INO80: variants seen among roughly 807,000 people sequenced by gnomAD.
INO80 encodes chromatin-remodeling ATPase INO80.
Under a neutral mutation model 203.4 loss-of-function variants are expected in INO80, and 20 were observed. The observed-to-expected ratio is 0.10, with a 90% CI of 0.07 to 0.14. INO80 has a LOEUF of 0.14. Among genes scored for constraint, INO80 ranks in the 10% least tolerant of loss-of-function variants. The probability of loss-of-function intolerance (pLI) is 1.00; values close to 1 mark genes in which losing one functional copy is unlikely to be tolerated. For missense variants in INO80, 1,419 were observed against 1,914.4 expected (o/e 0.74, Z 4.83); for synonymous variants, 726 against 685.2 (o/e 1.06, Z -0.93).
rs1343620411 is a variant in INO80, at chr15:41,085,554, G to C, written c.688C>G (p.Arg230Gly). The change falls in exon 7 of 36, where the codon CGA (arginine) becomes GGA (glycine). Residue 230 changes from arginine (R) to glycine (G), a missense_variant. Physicochemically the swap from Arg to Gly is moderately radical, Grantham distance 125. Coordinates refer to ENST00000648947, the MANE Select transcript of INO80 (RefSeq NM_017553.3). ...AKLKKVKKKRRRDEELSSEES... is the reference protein window; with the variant it reads ...AKLKKVKKKRGRDEELSSEES... ...TCAGAGGAAAGTTCTTCATCTCTTC[G>C]TCTTTTTTTCTTCACTTTTTTCAAC... is the stretch of plus-strand genomic sequence containing the variant. 1 of 1,613,902 alleles carries C rather than the reference G, an allele frequency of 6.2e-7. No individual in the cohort carries two copies. The highest frequency in any genetic ancestry group is 8.5e-7 in the Non-Finnish European group (1 of 1,179,988).
At chr15:40,989,841 C>T (rs918449283) in intron 29 of INO80, among the ~76,000 whole-genome samples, 1 of 152,226 alleles carries the variant, frequency 6.6e-6, no homozygotes, top group African/African-American at 2.4e-5. Flanking sequence ...TGGGTCTCTT[C>T]AGTGGTCCTG....
chr15:41,001,053 G>C (rs1393753885), intron 28 of INO80, among the ~76,000 whole-genome samples: 1 of 152,168 alleles, frequency 6.6e-6, no homozygotes, highest in Non-Finnish European at 1.5e-5. Context: ...GGACTATACT[G>C]CTGTAAAAAA....
At chr15:41,067,321 C>T (rs1388064806) in intron 14 of INO80, among the ~76,000 whole-genome samples, 2 of 151,940 alleles carry the variant, frequency 1.3e-5, no homozygotes, top group Non-Finnish European at 2.9e-5. Context: ...GTGATCCACC[C>T]GCCTCACCTC....
intron 34 of INO80, chr15:40,983,300 T>C: frequency 1.8e-6 from 1 of 545,862 alleles, no homozygotes. Context: ...AAGCTGCTTT[T>C]CATTCTGAAG....
chr15:41,036,654 A>C (rs2044580677), intron 24 of INO80, among the ~76,000 whole-genome samples: 1 of 152,232 alleles, frequency 6.6e-6, no homozygotes, highest in Non-Finnish European at 1.5e-5. Context: ...ATTGTTATTA[A>C]TATTAATACT....
rs145802648 is a variant in INO80, at chr15:40,980,363, A to T, written c.4531T>A (p.Ser1511Thr). Residue 1511 changes from serine to threonine, a missense_variant, in exon 36 of 36, where the codon TCT becomes ACT. Around this residue, in one of 9 missense-constraint regions of INO80, gnomAD observed 112 missense variants for 106.2 expected, o/e 1.05. Coordinates refer to ENST00000648947, the MANE Select transcript of INO80 (RefSeq NM_017553.3). ...GLADFGPSSA[S>T]SPLSSPLSKG... ...CTCAAAGGGGAACTCAAAGGAGAAG[A>T]GGCGCTTGAAGGTCCAAAGTCAGCA... 5.0e-5 allele frequency: 80 copies of T among 1,614,030 alleles called. No homozygotes were observed. In the African/African-American group the frequency reaches 1.0e-3, roughly 20 times the overall value.
chr15:41,068,727 G>A (rs1318195087), intron 14 of INO80, among the ~76,000 whole-genome samples: 1 of 152,058 alleles, frequency 6.6e-6, no homozygotes, highest in Non-Finnish European at 1.5e-5. Context: ...GGGCATGGTG[G>A]CAGACACCTG....
intron 8 of INO80, among the ~76,000 whole-genome samples, chr15:41,080,470 T>C (rs1250441389): frequency 6.6e-6 from 1 of 152,184 alleles, no homozygotes; most frequent in Non-Finnish European, 1.5e-5. Context: ...GACAGGAAGA[T>C]TCCATGATCT....
chr15:41,065,988 CTTTT>C (rs1175524125), intron 14 of INO80, among the ~76,000 whole-genome samples: 2 of 127,268 alleles, frequency 1.6e-5, no homozygotes, highest in Non-Finnish European at 1.7e-5. Context: ...CTACATTGTA[CTTTT>C]TTTTTTTTTT....
chr15:40,989,266 T>C (rs2043784851), intron 29 of INO80, among the ~76,000 whole-genome samples: 1 of 152,238 alleles, frequency 6.6e-6, no homozygotes, highest in Non-Finnish European at 1.5e-5. Flanking sequence ...TACTAGCCCA[T>C]GAATTCCCAG....
intron 14 of INO80, among the ~76,000 whole-genome samples, chr15:41,060,288 T>A (rs2045078424): frequency 6.6e-6 from 1 of 152,142 alleles, no homozygotes; most frequent in Non-Finnish European, 1.5e-5. Flanking sequence ...GGACACTTTT[T>A]CTTAAGAGAT....
At chr15:41,075,466 G>A (rs1245931158) in intron 9 of INO80, among the ~76,000 whole-genome samples, 1 of 151,342 alleles carries the variant, frequency 6.6e-6, no homozygotes, top group Admixed American at 6.6e-5. Flanking sequence ...GGCGGCGGGG[G>A]AGGCGGGGGG....
At chr15:41,023,420 T>G (rs1322599002) in intron 25 of INO80, 16 of 448,950 alleles carry the variant, frequency 3.6e-5, no homozygotes, top group Non-Finnish European at 6.3e-5. Flanking sequence ...ATATGACCAG[T>G]TCTATATGTC....
intron 28 of INO80, among the ~76,000 whole-genome samples, chr15:41,003,585 C>A (rs969795298): frequency 6.6e-6 from 1 of 152,074 alleles, no homozygotes; most frequent in Admixed American, 6.6e-5. Context: ...CCACCTCGGC[C>A]TCCCAAAGTG....
At chr15:40,992,839 T>C (rs1052633258) in intron 29 of INO80, among the ~76,000 whole-genome samples, 3 of 152,216 alleles carry the variant, frequency 2.0e-5, no homozygotes, top group African/African-American at 7.2e-5. Flanking sequence ...GTTGCCCATG[T>C]TGGAGTGCAG....
chr15:41,094,086 ATAAT>A (rs1211719272), intron 4 of INO80, among the ~76,000 whole-genome samples: 1 of 152,236 alleles, frequency 6.6e-6, no homozygotes, highest in Non-Finnish European at 1.5e-5. Context: ...TAAAAGAGAA[ATAAT>A]TAGTTTCAAT....
chr15:41,017,732 T>C (rs1012636179), intron 26 of INO80: 29 of 152,358 alleles, frequency 1.9e-4, no homozygotes, highest in Admixed American at 1.8e-3. Context: ...ACCTTCAGAA[T>C]GCTGCCAGGC....
At chr15:41,114,285 AAC>A (rs1934682300) in intron 1 of INO80, among the ~76,000 whole-genome samples, 1 of 151,770 alleles carries the variant, frequency 6.6e-6, no homozygotes, top group African/African-American at 2.4e-5. Flanking sequence ...AAAAAAAAAA[AAC>A]ATTCATTTTA....
chr15:41,055,015 A>C (rs1187931874), intron 18 of INO80, among the ~76,000 whole-genome samples: 1 of 152,220 alleles, frequency 6.6e-6, no homozygotes, highest in Non-Finnish European at 1.5e-5. Flanking sequence ...ATCAAGCCTG[A>C]TCTGCCTTGA....
Sources: gnomAD v4.1 joint callset for allele counts (sites outside exome capture counted in the v4.1 genomes callset) on GRCh38, gnomAD v4.1.1 for gene constraint, gnomAD v4.1.1 regional missense constraint, MANE v1.5 for transcripts, NCBI Gene and HGNC (gene_info 2026-07-23, HGNC 2026-07-21) for gene names.